Variants in PDE1A observed in about 807,000 individuals in gnomAD.
PDE1A encodes dual specificity calcium/calmodulin-dependent 3',5'-cyclic nucleotide phosphodiesterase 1A.
In PDE1A, 35 loss-of-function variants were observed where a neutral mutation model predicts 61.7. The ratio of observed to expected loss-of-function variants is 0.57; its 90% CI spans 0.43 to 0.75. The LOEUF (loss-of-function observed/expected upper bound fraction) is 0.75. Ranked by LOEUF, PDE1A falls within the 30% of genes least tolerant of loss-of-function variation. The pLI is 0.00. For synonymous variants in PDE1A, 232 were observed against 213.2 expected (o/e 1.09, Z -0.77); for missense variants, 597 against 630.6 (o/e 0.95, Z 0.57).
chr2:182,398,843 T>C (rs1336994643), intron 1 of PDE1A, among the ~76,000 whole-genome samples: 1 of 152,060 alleles, frequency 6.6e-6, no homozygotes, highest in East Asian at 1.9e-4. Flanking sequence ...TTAAAATTTA[T>C]TTTACTTTAA....
At chr2:182,672,657 G>A in the PDE1A span, among the ~76,000 whole-genome samples, 1 of 152,208 alleles carries the variant, frequency 6.6e-6, no homozygotes, top group Non-Finnish European at 1.5e-5. Context: ...CTTTCCTGGA[G>A]CACATTGACC....
chr2:182,673,954 A>T, the PDE1A span, among the ~76,000 whole-genome samples: 6 of 150,346 alleles, frequency 4.0e-5, no homozygotes, highest in African/African-American at 1.5e-4. Context: ...AGTGATTCTT[A>T]TAGAGTACTT....
intron 1 of PDE1A, among the ~76,000 whole-genome samples, chr2:182,305,749 A>T (rs1695541426): frequency 6.6e-6 from 1 of 152,080 alleles, no homozygotes; most frequent in African/African-American, 2.4e-5. Flanking sequence ...TATTTTTATT[A>T]TATTGTAATT....
At chr2:182,466,710 C>T (rs565349453) in intron 2 of PDE1A, among the ~76,000 whole-genome samples, 3 of 152,076 alleles carry the variant, frequency 2.0e-5, no homozygotes, top group East Asian at 1.9e-4. Context: ...GTATTCATCA[C>T]TCCATTCTCA....
the PDE1A span, among the ~76,000 whole-genome samples, chr2:182,585,484 C>G: frequency 6.6e-6 from 1 of 152,128 alleles, no homozygotes; most frequent in East Asian, 1.9e-4. Flanking sequence ...TAGGTTTGAG[C>G]ACTTTTATTT....
At chr2:182,223,772 CTT>C in intron 7 of PDE1A, 90 bp downstream of exon 7, 1 of 703,108 alleles carries the variant, frequency 1.4e-6, no homozygotes, top group Non-Finnish European at 2.3e-6. Context: ...TTATTAGAAT[CTT>C]TATTATTTTT....
At chr2:182,557,207 C>T in the PDE1A span, among the ~76,000 whole-genome samples, 1 of 152,290 alleles carries the variant, frequency 6.6e-6, no homozygotes, top group African/African-American at 2.4e-5. Flanking sequence ...GATTGCACCA[C>T]TGCACTCCAG....
chr2:182,459,767 G>A (rs910037198), intron 2 of PDE1A, among the ~76,000 whole-genome samples: 5 of 152,188 alleles, frequency 3.3e-5, no homozygotes, highest in Admixed American at 2.0e-4. Flanking sequence ...GGTAGAATGT[G>A]AGCAGCCAAA....
At chr2:182,476,863 G>C (rs1185458528) in intron 2 of PDE1A, among the ~76,000 whole-genome samples, 1 of 148,280 alleles carries the variant, frequency 6.7e-6, no homozygotes, top group African/African-American at 2.5e-5. Flanking sequence ...ATATAAGAAG[G>C]TTTCAATTTT....
chr2:182,585,777 A>G, the PDE1A span, among the ~76,000 whole-genome samples: 2 of 152,226 alleles, frequency 1.3e-5, no homozygotes, highest in Non-Finnish European at 2.9e-5. Context: ...AAGTCTGATT[A>G]GTAATCAGAA....
intron 1 of PDE1A, among the ~76,000 whole-genome samples, chr2:182,301,261 A>T (rs1490274904): frequency 6.6e-6 from 1 of 152,148 alleles, no homozygotes; most frequent in Non-Finnish European, 1.5e-5. Flanking sequence ...TTGTTTCTTA[A>T]AGGCACAAGT....
chr2:182,243,741 T>C (rs928408217), intron 2 of PDE1A, among the ~76,000 whole-genome samples: 1 of 152,194 alleles, frequency 6.6e-6, no homozygotes, highest in Non-Finnish European at 1.5e-5. Flanking sequence ...CTGAGCACAA[T>C]TGCAAAAATG....
At chr2:182,584,748 A>AC in the PDE1A span, among the ~76,000 whole-genome samples, 1 of 152,084 alleles carries the variant, frequency 6.6e-6, no homozygotes, top group African/African-American at 2.4e-5. Flanking sequence ...GTTGAGGCTC[A>AC]CCTCTCAGCA....
At chr2:182,440,067 T>C (rs1363159809) in intron 2 of PDE1A, among the ~76,000 whole-genome samples, 1 of 152,100 alleles carries the variant, frequency 6.6e-6, no homozygotes, top group African/African-American at 2.4e-5. Flanking sequence ...AGGGTGACAC[T>C]GCTGTCCCAG....
At chr2:182,661,413 C>T in the PDE1A span, among the ~76,000 whole-genome samples, 1 of 151,956 alleles carries the variant, frequency 6.6e-6, no homozygotes, top group East Asian at 1.9e-4. Context: ...TATCAGATAC[C>T]AGGTTAGGTG....
exon 7 of PDE1A, chr2:182,223,892 T>C: frequency 1.3e-6 from 2 of 1,594,176 alleles, no homozygotes; most frequent in Non-Finnish European, 1.7e-6. Flanking sequence ...TTGTTTGTTG[T>C]CCCTGTATGC....
At chr2:182,231,930 A>G (rs1036415531) in intron 4 of PDE1A, among the ~76,000 whole-genome samples, 3 of 152,162 alleles carry the variant, frequency 2.0e-5, no homozygotes, top group African/African-American at 7.2e-5. Context: ...AGAAAGAAAG[A>G]AAGATAGAAA....
the PDE1A span, among the ~76,000 whole-genome samples, chr2:182,699,904 T>A: frequency 1.3e-4 from 20 of 152,312 alleles, no homozygotes; most frequent in African/African-American, 4.8e-4. Context: ...TTGGCATAGC[T>A]AGGATTCCAA....
intron 13 of PDE1A, among the ~76,000 whole-genome samples, chr2:182,169,192 A>G (rs1258632279): frequency 6.6e-6 from 1 of 152,082 alleles, no homozygotes; most frequent in South Asian, 2.1e-4. Flanking sequence ...CATTGAAATT[A>G]GGTTTCTTCT....
Sources: gnomAD v4.1 joint callset for allele counts (sites outside exome capture counted in the v4.1 genomes callset) on GRCh38, gnomAD v4.1.1 for gene constraint, MANE v1.5 for transcripts, NCBI Gene and HGNC (gene_info 2026-07-23, HGNC 2026-07-21) for gene names.